The following REPS2 variants were observed in gnomAD, a reference collection of about 807,000 sequenced individuals.
REPS2 encodes RALBP1 associated Eps domain containing 2.
REPS2 carries 23 observed loss-of-function variants against 53.6 expected under a neutral mutation model. That is an observed-to-expected ratio of 0.43 (90% CI 0.31 to 0.61). REPS2 has a LOEUF of 0.61. Ranked by LOEUF, REPS2 falls within the 20% of genes least tolerant of loss-of-function variation. REPS2 has a pLI of 0.11. For synonymous variants in REPS2, 238 were observed against 218.6 expected, an observed-to-expected ratio of 1.09 and a Z score of -0.78; for missense variants, 446 against 534.9, an observed-to-expected ratio of 0.83 and a Z score of 1.64.
At chrX:17,187,056 C>G in the REPS2 span, among the ~76,000 whole-genome samples, 1 of 111,568 alleles carries the variant, frequency 9.0e-6, no homozygotes, top group South Asian at 3.8e-4. Flanking sequence ...TAACCAAAAA[C>G]TAGTTATACC....
At chrX:17,041,490 C>T (rs953515838) in intron 5 of REPS2, among the ~76,000 whole-genome samples, 2 of 111,796 alleles carry the variant, frequency 1.8e-5, no homozygotes, top group Non-Finnish European at 3.8e-5. Context: ...GTCTCACCAG[C>T]CCATTAGCTA....
chrX:17,165,767 TG>T, the REPS2 span, among the ~76,000 whole-genome samples: 1 of 110,669 alleles, frequency 9.0e-6, no homozygotes, highest in African/African-American at 3.3e-5. Flanking sequence ...GGTTGGGTGG[TG>T]GGGAGGAAAA....
the REPS2 span, among the ~76,000 whole-genome samples, chrX:17,171,877 C>A: frequency 9.0e-6 from 1 of 110,926 alleles, no homozygotes; most frequent in Non-Finnish European, 1.9e-5. Flanking sequence ...AGAATTGAAC[C>A]TAAGAATAAT....
chrX:17,181,654 GTGGT>G, the REPS2 span, among the ~76,000 whole-genome samples: 1 of 112,432 alleles, frequency 8.9e-6, no homozygotes, highest in South Asian at 3.7e-4. Context: ...GTGCTCAATA[GTGGT>G]TGATCCATAG....
rs1414578770 is a variant in REPS2 at position 16,965,554 on chromosome X, C to T, written c.273+18420C>T. On this transcript the variant is annotated intron_variant, in intron 1 of 17. Coordinates refer to ENST00000357277, the MANE Select transcript of REPS2 (RefSeq NM_004726.3). ...GGGTCTCCTCACTTCTCAGACGGGGCGTCCGGGCAGAGACGCTCCTCACAT... is the reference window on the plus strand; with the variant it reads ...GGGTCTCCTCACTTCTCAGACGGGGTGTCCGGGCAGAGACGCTCCTCACAT... Among the ~76,000 whole-genome samples the T allele has an allele frequency of 7.2e-5, 8 of 110,808 alleles. No homozygotes were observed. In the East Asian group the frequency reaches 1.7e-3, roughly 24 times the overall value.
intron 2 of REPS2, among the ~76,000 whole-genome samples, chrX:17,009,105 T>A (rs1171879210): frequency 3.6e-5 from 4 of 111,839 alleles, no homozygotes; most frequent in Non-Finnish European, 7.5e-5. Context: ...CACAATGGAT[T>A]GACATCCTAG....
chrX:17,033,375 T>C (rs2061730543), intron 5 of REPS2, among the ~76,000 whole-genome samples: 1 of 111,756 alleles, frequency 8.9e-6, no homozygotes. Flanking sequence ...ACTTACTCTT[T>C]AGATGTGTGG....
intron 13 of REPS2, among the ~76,000 whole-genome samples, chrX:17,090,422 C>T (rs1419346137): frequency 9.0e-6 from 1 of 111,235 alleles, no homozygotes; most frequent in Non-Finnish European, 1.9e-5. Context: ...ATCACGAGAA[C>T]ACCATGGGAA....
chrX:16,959,266 A>AT (rs1402831510), intron 1 of REPS2, among the ~76,000 whole-genome samples: 1 of 111,330 alleles, frequency 9.0e-6, no homozygotes, highest in Non-Finnish European at 1.9e-5. Flanking sequence ...TGCTCGGCTG[A>AT]TTTTTAATAT....
At chrX:17,015,735 A>G (rs1386805934) in intron 2 of REPS2, among the ~76,000 whole-genome samples, 1 of 111,783 alleles carries the variant, frequency 8.9e-6, no homozygotes, top group Non-Finnish European at 1.9e-5. Context: ...TACAAAGGAC[A>G]TGAACTCATC....
intron 5 of REPS2, among the ~76,000 whole-genome samples, chrX:17,036,991 A>G (rs1432942001): frequency 9.0e-6 from 1 of 110,653 alleles, no homozygotes; most frequent in African/African-American, 3.3e-5. Flanking sequence ...ACCATCTCCT[A>G]AGGGGTCAAA....
chrX:17,078,778 T>C (rs2062414794), intron 13 of REPS2, among the ~76,000 whole-genome samples: 1 of 112,425 alleles, frequency 8.9e-6, no homozygotes, highest in African/African-American at 3.2e-5. Context: ...AGAATTCACA[T>C]GCTGTGGTTT....
intron 11 of REPS2, among the ~76,000 whole-genome samples, chrX:17,072,998 G>T (rs1370117660): frequency 9.2e-6 from 1 of 108,237 alleles, no homozygotes; most frequent in Non-Finnish European, 1.9e-5. Flanking sequence ...AAAATGCTTG[G>T]GTTGGGAGAA....
chrX:17,045,275 G>C (rs2147906864), intron 5 of REPS2, among the ~76,000 whole-genome samples: 1 of 110,264 alleles, frequency 9.1e-6, no homozygotes, highest in South Asian at 3.9e-4. Flanking sequence ...AAAAAATTCA[G>C]ATAGATGCAA....
intron 9 of REPS2, among the ~76,000 whole-genome samples, chrX:17,064,054 A>G (rs749865949): frequency 9.1e-6 from 1 of 109,540 alleles, no homozygotes; most frequent in Non-Finnish European, 1.9e-5. Flanking sequence ...ATACTTTTGC[A>G]TACTTTAAGT....
intron 9 of REPS2, among the ~76,000 whole-genome samples, chrX:17,067,438 C>G (rs939649064): frequency 8.9e-6 from 1 of 112,042 alleles, no homozygotes; most frequent in Non-Finnish European, 1.9e-5. Flanking sequence ...CATTTAACAT[C>G]AACTCCCTTA....
chrX:16,984,144 A>C (rs1349836038), intron 1 of REPS2, among the ~76,000 whole-genome samples: 4 of 112,544 alleles, frequency 3.6e-5, no homozygotes, highest in African/African-American at 1.3e-4. Context: ...GTTCTGGCTC[A>C]GGATCTCTAT....
chrX:17,145,103 G>C (rs1246568981), intron 17 of REPS2, among the ~76,000 whole-genome samples: 1 of 111,805 alleles, frequency 8.9e-6, no homozygotes, highest in Non-Finnish European at 1.9e-5. Context: ...TTGCCACTCA[G>C]CTTTCAAATT....
the REPS2 span, among the ~76,000 whole-genome samples, chrX:17,160,229 G>T: frequency 0.14 from 16,073 of 111,784 alleles, 861 homozygotes; most frequent in Admixed American, 0.19. Context: ...AGGAAAGAGA[G>T]AAGTTGAGGG....
Sources: allele counts gnomAD v4.1 joint callset (sites outside exome capture counted in the v4.1 genomes callset), GRCh38; gene constraint gnomAD v4.1.1; transcripts MANE v1.5; gene names NCBI Gene and HGNC (gene_info 2026-07-23, HGNC 2026-07-21).